TTLL10: variants seen among roughly 807,000 people sequenced by gnomAD.
The protein encoded by TTLL10 is tubulin tyrosine ligase like 10, also known as inactive polyglycylase TTLL10.
Under a neutral mutation model 69.0 loss-of-function variants are expected in TTLL10, and 61 were observed. That is an observed-to-expected ratio of 0.88 (90% CI 0.72 to 1.09). The LOEUF (loss-of-function observed/expected upper bound fraction) is 1.09. TTLL10 is among the 50% of genes least tolerant of loss of function. The probability of loss-of-function intolerance (pLI) is 0.00; values close to 1 mark genes in which losing one functional copy is unlikely to be tolerated. For missense variants in TTLL10, 962 were observed against 945.9 expected (o/e 1.02, Z -0.22); for synonymous variants, 408 against 393.3 (o/e 1.04, Z -0.44).
Position 1,180,548 on chromosome 1 carries a change from C to G in TTLL10, c.572C>G (p.Thr191Arg). 6.4e-7 allele frequency: 1 copy of G among 1,552,714 alleles called. No individual in the cohort carries two copies. Among genetic ancestry groups the G allele is most frequent in the Non-Finnish European group, 8.7e-7 (1 of 1,147,786 alleles). Residue 191 changes from threonine (T) to arginine (R), a missense_variant, in exon 7 of 16, where the codon ACG (threonine) becomes AGG (arginine). Coordinates refer to ENST00000379289, the MANE Select transcript of TTLL10 (RefSeq NM_001130045.2). ...RIHDSRRDDY[T>R]LKWCEVKSRD... Reference sequence around the variant, plus strand: ...CATGACAGCCGCCGGGACGACTACACGCTGAAGTGGTGTGAGGTCAAGAGC... The same window carrying G: ...CATGACAGCCGCCGGGACGACTACAGGCTGAAGTGGTGTGAGGTCAAGAGC...
Position 1,182,992 on chromosome 1 carries a change from G to A in TTLL10, c.1033G>A (p.Asp345Asn), listed in dbSNP as rs766515271. ...GGCCAAGACCCGGAGCATGGAGGAC[G>A]ACCCCATCCACCACAAGACGCCGTT... ...LQAKTRSMED[D>N]PIHHKTPFRG... is the part of the protein sequence containing the mutation. Residue 345 changes from aspartate (D) to asparagine (N), a missense_variant, in exon 11 of 16, where the codon GAC becomes AAC. Asp to Asn is a conservative substitution (Grantham distance 23, BLOSUM62 1). Coordinates refer to ENST00000379289, the MANE Select transcript of TTLL10 (RefSeq NM_001130045.2). 1.1e-5 allele frequency: 18 copies of A among 1,609,800 alleles called. No homozygotes were observed. The highest frequency in any genetic ancestry group is 3.3e-5 in the Admixed American group (2 of 59,752).
At chr1:1,197,278 G>T in intron 15 of TTLL10, 92 bp downstream of exon 15, 2 of 1,361,570 alleles carry the variant, frequency 1.5e-6, no homozygotes, top group Non-Finnish European at 1.0e-6. Flanking sequence ...CCCCACAGAT[G>T]GGGCTCTTCC....
At chr1:1,190,111 CAAAAA>C (rs941009566) in intron 13 of TTLL10, among the ~76,000 whole-genome samples, 1 of 74,258 alleles carries the variant, frequency 1.3e-5, no homozygotes, top group Non-Finnish European at 2.8e-5. Flanking sequence ...GACCCCGTCT[CAAAAA>C]AAAAAAAAAA....
intron 3 of TTLL10, among the ~76,000 whole-genome samples, chr1:1,178,627 G>A (rs1484287364): frequency 6.6e-6 from 1 of 152,108 alleles, no homozygotes; most frequent in African/African-American, 2.4e-5. Context: ...TGGAGACAGA[G>A]GTAGAAAGAT....
At chr1:1,196,299 G>A (rs1162633952) in intron 13 of TTLL10, 7 of 358,954 alleles carry the variant, frequency 2.0e-5, no homozygotes, top group African/African-American at 8.2e-5. Context: ...ACCAAGATTC[G>A]AGATTTTACG....
chr1:1,197,042 G>C lies in TTLL10; in HGVS notation c.1519-51G>C, dbSNP rs372452869. On this transcript the variant is annotated intron_variant, in intron 14 of 15. Transcript: ENST00000379289. Reference sequence around the variant, plus strand: ...ATGAGGACCAGGGCCTCTGCCTCCTGCTGGCCCAGTGGGCTCGGGGTGAGG... The same window carrying C: ...ATGAGGACCAGGGCCTCTGCCTCCTCCTGGCCCAGTGGGCTCGGGGTGAGG... The C allele has an allele frequency of 5.3e-6, 8 of 1,512,956 alleles. No homozygotes were observed. The African/African-American group carries it at 5.5e-5, about 10-fold the overall frequency. The allele number at this position is 1,512,956 out of a possible 1,614,324, so 93.7% of individuals were successfully genotyped here.
intron 14 of TTLL10, 59 bp downstream of exon 14, chr1:1,196,775 G>A (rs1192314925): frequency 1.6e-6 from 2 of 1,231,168 alleles, no homozygotes; most frequent in Non-Finnish European, 2.3e-6. Context: ...GGGGCCATCT[G>A]TACACCCTGA....
In TTLL10 at chr1:1,180,043, A is replaced by T; in HGVS notation, c.209A>T (p.His70Leu). The change falls in exon 6 of 16, where the codon CAC becomes CTC. Residue 70 changes from histidine (H) to leucine (L), a missense_variant. Transcript: ENST00000379289. Reference sequence around the variant, plus strand: ...CCCACCCCGTTCACAGGCCCGGCCCACGAGAGGCCAATGGGGAGCAGCCAG... The same window carrying T: ...CCCACCCCGTTCACAGGCCCGGCCCTCGAGAGGCCAATGGGGAGCAGCCAG... ...APGHCPVGPA[H>L]ERPMGSSQEE... The T allele has an allele frequency of 6.4e-7, 1 of 1,555,226 alleles. No individual in the cohort carries two copies. Among genetic ancestry groups the T allele is most frequent in the Non-Finnish European group, 8.7e-7 (1 of 1,150,252 alleles).
rs1206025476 is a variant in TTLL10 at position 1,185,176 on chromosome 1, G to A, written c.1401+67G>A. 6.3e-7 allele frequency: 1 copy of A among 1,579,514 alleles called. No individual in the cohort carries two copies. The highest frequency in any genetic ancestry group is 1.9e-5 in the Admixed American group (1 of 53,658). ...GGGGCGGGGGTGTGTGGTCAGGCTG[G>A]GCACCAGGCACACAGATGTCCGTGG... On this transcript the variant is annotated intron_variant, in intron 13 of 15. Transcript: ENST00000379289. This position sits in a 1 kb window ranked among gnomAD's most constrained non-coding sequence, Gnocchi z 6.1.
intron 6 of TTLL10, 26 bp from the exon 7 acceptor site, chr1:1,180,457 G>A: frequency 6.6e-7 from 1 of 1,520,754 alleles, no homozygotes; most frequent in Non-Finnish European, 8.9e-7. Context: ...CGGCCCCCAG[G>A]TCACCCCCGC....
chr1:1,195,438 C>A (rs190895741), intron 13 of TTLL10, among the ~76,000 whole-genome samples: 20 of 147,068 alleles, frequency 1.4e-4, no homozygotes, highest in African/African-American at 5.1e-4. Context: ...ATTTGATTCT[C>A]TTTTATAATT....
chr1:1,192,161 G>A (rs1057045351), intron 13 of TTLL10, among the ~76,000 whole-genome samples: 7 of 152,200 alleles, frequency 4.6e-5, no homozygotes, highest in Admixed American at 1.3e-4. Context: ...CTATTTACTC[G>A]TTAATCTTCT....
At chr1:1,182,316 G>A (rs1445821577) in intron 9 of TTLL10, 45 bp from the exon 10 acceptor site, 5 of 1,575,914 alleles carry the variant, frequency 3.2e-6, no homozygotes, top group Admixed American at 3.3e-5. Flanking sequence ...ACCCAGCCAG[G>A]GGCGAAGGGA....
Position 1,195,630 on chromosome 1 carries a change from C to A in TTLL10, c.1402-970C>A, listed in dbSNP as rs146091058. On this transcript the variant is annotated intron_variant, in intron 13 of 15. Transcript: ENST00000379289. Reference sequence around the variant, plus strand: ...AAAGTGCTGGGATTACAGACGTGAGCCACTGTGCCCGGCCCATACTTCTTT... The same window carrying A: ...AAAGTGCTGGGATTACAGACGTGAGACACTGTGCCCGGCCCATACTTCTTT... Among the ~76,000 whole-genome samples the A allele has an allele frequency of 6.0e-3, 913 of 151,408 alleles. 7 individuals carry two copies. Among genetic ancestry groups the A allele is most frequent in the African/African-American group, 0.02 (840 of 41,224 alleles).
chr1:1,196,513 G>C, intron 13 of TTLL10, 87 bp from the exon 14 acceptor site: 2 of 983,010 alleles, frequency 2.0e-6, no homozygotes, highest in Admixed American at 2.0e-5. Flanking sequence ...GGGAGTGCAG[G>C]TGAGGGATGT....
intron 13 of TTLL10, chr1:1,196,312 T>C: frequency 2.5e-6 from 1 of 396,566 alleles, no homozygotes. Context: ...ATTTTACGTA[T>C]CCCATTTGCT....
At chr1:1,191,575 T>G (rs1457246390) in intron 13 of TTLL10, among the ~76,000 whole-genome samples, 1 of 152,308 alleles carries the variant, frequency 6.6e-6, no homozygotes, top group East Asian at 1.9e-4. Context: ...TTTTTGGGTG[T>G]AGTGTTCTGT....
rs1053930094 is a variant in TTLL10 at position 1,182,914 on chromosome 1, C to T, written c.955C>T (p.Gln319Ter). 6.3e-7 allele frequency: 1 copy of T among 1,595,870 alleles called. No homozygotes were observed. Among genetic ancestry groups the T allele is most frequent in the Admixed American group, 1.7e-5 (1 of 57,942 alleles). ...GATCTGCAAGCCCACAGCCTCCAAC[C>T]AGGGCAAAGGCATCTTCCTGCTCCG... ...IWICKPTASNQGKGIFLLRNQ... is the reference protein window; with the variant it reads ...IWICKPTASN The change falls in exon 11 of 16, where the codon CAG becomes TAG. Residue 319 changes from glutamine to a stop codon, truncating the protein, a stop_gained. Coordinates refer to ENST00000379289, the MANE Select transcript of TTLL10 (RefSeq NM_001130045.2). LOFTEE classifies it high-confidence loss of function.
At position 1,180,163 on chromosome 1, in the gene TTLL10, C is replaced by T. The variant is rs1284086182; in HGVS notation, c.329C>T (p.Thr110Ile). 2 of 1,611,262 alleles carry T rather than the reference C, an allele frequency of 1.2e-6. No homozygotes were observed. The highest frequency in any genetic ancestry group is 8.5e-7 in the Non-Finnish European group (1 of 1,179,400). The change falls in exon 6 of 16, where the codon ACA becomes ATA. Residue 110 changes from threonine to isoleucine, a missense_variant. Physicochemically the swap from Thr to Ile is moderately conservative, Grantham distance 89. Transcript: ENST00000379289. ...GAGGGGGCAGAAAGAGCCTCTGCCA[C>T]ACCCGGACCCCCTGGGCTCCTGAAC... ...DLEGAERASATPGPPGLLNSH... is the reference protein window; with the variant it reads ...DLEGAERASAIPGPPGLLNSH...
Sources: allele counts gnomAD v4.1 joint callset (sites outside exome capture counted in the v4.1 genomes callset), GRCh38; gene constraint gnomAD v4.1.1; non-coding constraint Gnocchi (gnomAD v3.1); transcripts MANE v1.5; gene names NCBI Gene and HGNC (gene_info 2026-07-23, HGNC 2026-07-21).